Variants in MAGI2 observed in about 807,000 individuals in gnomAD.
MAGI2 encodes the protein membrane-associated guanylate kinase, WW and PDZ domain-containing protein 2.
MAGI2 carries 35 observed loss-of-function variants against 133.3 expected under a neutral mutation model. The ratio of observed to expected loss-of-function variants is 0.26; its 90% CI spans 0.20 to 0.35. The LOEUF is 0.35. Among genes scored for constraint, MAGI2 ranks in the 10% least tolerant of loss-of-function variants. The pLI is 1.00. For synonymous variants in MAGI2, 729 were observed against 710.6 expected, an observed-to-expected ratio of 1.03 and a Z score of -0.41; for missense variants, 1,636 against 1,863.4, an observed-to-expected ratio of 0.88 and a Z score of 2.25.
At chr7:78,609,814 G>T (rs1806246431) in intron 3 of MAGI2, among the ~76,000 whole-genome samples, 1 of 152,166 alleles carries the variant, frequency 6.6e-6, no homozygotes, top group Admixed American at 6.5e-5. Context: ...TTATGTAGTA[G>T]GCTGATTTCA....
intron 1 of MAGI2, among the ~76,000 whole-genome samples, chr7:79,226,205 A>G (rs1456364580): frequency 6.6e-6 from 1 of 152,170 alleles, no homozygotes; most frequent in Non-Finnish European, 1.5e-5. Flanking sequence ...ATTTGTGTCT[A>G]AAAAAGTAGG....
intron 1 of MAGI2, among the ~76,000 whole-genome samples, chr7:79,047,032 T>C (rs910496747): frequency 6.6e-6 from 1 of 152,190 alleles, no homozygotes; most frequent in Admixed American, 6.5e-5. Flanking sequence ...TGAATGAATA[T>C]ATTTTTTTAA....
At position 78,281,219 on chromosome 7, in the gene MAGI2, C is replaced by T. The variant is rs1584698646; in HGVS notation, c.1409-24638G>A. Among the ~76,000 whole-genome samples, 3 of 152,058 alleles carry T rather than the reference C, an allele frequency of 2.0e-5. No homozygotes were observed. In the South Asian group the frequency reaches 6.2e-4, roughly 31 times the overall value. ...TATTTTGTTGTTATTCATTCATGATCTATTGATATTTTTAAAAACTTTAAA... is the reference window on the plus strand; with the variant it reads ...TATTTTGTTGTTATTCATTCATGATTTATTGATATTTTTAAAAACTTTAAA... On this transcript the variant is annotated intron_variant, in intron 9 of 21. Coordinates refer to ENST00000354212, the MANE Select transcript of MAGI2 (RefSeq NM_012301.4).
At chr7:78,379,736 C>A (rs916934146) in intron 6 of MAGI2, among the ~76,000 whole-genome samples, 22 of 151,938 alleles carry the variant, frequency 1.4e-4, no homozygotes, top group Admixed American at 7.2e-4. Context: ...TTTCATACTA[C>A]AATAATAGAA....
At chr7:78,833,166 A>T (rs910758524) in intron 2 of MAGI2, among the ~76,000 whole-genome samples, 3 of 152,164 alleles carry the variant, frequency 2.0e-5, no homozygotes, top group Admixed American at 2.0e-4. Flanking sequence ...TTATGGAAAG[A>T]CTGTGTTTCT....
At position 78,685,148 on chromosome 7, in the gene MAGI2, C is replaced by G. The variant is rs574677321; in HGVS notation, c.419-57909G>C. 7.2e-5 allele frequency among the ~76,000 whole-genome samples: 11 copies of G among 152,282 alleles called. No homozygotes were observed. The South Asian group carries it at 2.3e-3, about 32-fold the overall frequency. ...TTGACACCTGTTTTTAATACCTTCT[C>G]CTGTCTGATTTTCTTTCCTAGTGGG... is the stretch of plus-strand genomic sequence containing the variant. On this transcript the variant is annotated intron_variant, in intron 2 of 21. Transcript: ENST00000354212.
chr7:79,106,975 T>G (rs560227177), intron 1 of MAGI2, among the ~76,000 whole-genome samples: 29 of 152,192 alleles, frequency 1.9e-4, no homozygotes, highest in Non-Finnish European at 3.8e-4. Context: ...AGCAGAGAAA[T>G]TAGAGTAATT....
chr7:79,267,058 G>C (rs1274906872), intron 1 of MAGI2, among the ~76,000 whole-genome samples: 1 of 152,064 alleles, frequency 6.6e-6, no homozygotes, highest in African/African-American at 2.4e-5. Flanking sequence ...AGAGTCACAG[G>C]TATGGACCAG....
intron 1 of MAGI2, among the ~76,000 whole-genome samples, chr7:79,393,807 AT>A (rs1372385350): frequency 6.6e-6 from 1 of 152,168 alleles, no homozygotes; most frequent in East Asian, 1.9e-4. Flanking sequence ...ACATTTTACT[AT>A]TTTAACTGCA....
At chr7:78,384,434 A>C (rs1039245800) in intron 6 of MAGI2, among the ~76,000 whole-genome samples, 3 of 152,198 alleles carry the variant, frequency 2.0e-5, no homozygotes, top group African/African-American at 4.8e-5. Flanking sequence ...GGAGAAGTAC[A>C]TGTATATTTT....
intron 2 of MAGI2, among the ~76,000 whole-genome samples, chr7:78,842,543 A>T (rs992490456): frequency 3.3e-5 from 5 of 151,920 alleles, no homozygotes; most frequent in African/African-American, 1.2e-4. Context: ...CCGTTTGTTT[A>T]TATCATTTTT....
intron 1 of MAGI2, among the ~76,000 whole-genome samples, chr7:79,372,720 G>A (rs1007435875): frequency 4.0e-5 from 6 of 151,880 alleles, no homozygotes; most frequent in Admixed American, 1.3e-4. Flanking sequence ...TTTACTTCCC[G>A]CACCAGTAAC....
intron 1 of MAGI2, among the ~76,000 whole-genome samples, chr7:79,375,720 A>G (rs1843335520): frequency 6.6e-6 from 1 of 151,966 alleles, no homozygotes; most frequent in African/African-American, 2.4e-5. Context: ...GAATGCAGAA[A>G]GTGATTAAAA....
At chr7:79,363,601 T>C (rs1478958625) in intron 1 of MAGI2, among the ~76,000 whole-genome samples, 5 of 151,088 alleles carry the variant, frequency 3.3e-5, no homozygotes, top group Non-Finnish European at 5.9e-5. Context: ...AACTATAAAA[T>C]TGCTAGAAGG....
At chr7:78,617,355 T>C (rs38108) in intron 3 of MAGI2, 96,526 of 151,912 alleles carry the variant, frequency 0.64, 31,129 homozygotes, top group Middle Eastern at 0.74. Context: ...AATTCATATT[T>C]GTAGAGTGTT....
At chr7:78,764,207 A>G (rs368945661) in intron 2 of MAGI2, among the ~76,000 whole-genome samples, 1 of 152,214 alleles carries the variant, frequency 6.6e-6, no homozygotes, top group Non-Finnish European at 1.5e-5. Flanking sequence ...ATGAGCCACA[A>G]GAGAGCTATA....
rs192253052 is a variant in MAGI2 at position 78,708,907 on chromosome 7, T to C, written c.419-81668A>G. Among the ~76,000 whole-genome samples, 26 of 152,204 alleles carry C rather than the reference T, an allele frequency of 1.7e-4. No individual in the cohort carries two copies. The Middle Eastern group carries it at 0.01, about 60-fold the overall frequency. On this transcript the variant is annotated intron_variant, in intron 2 of 21. Transcript: ENST00000354212. ...GACATTTTTCTCTTCTTAGTTCCTA[T>C]ATTCTACTTTTCTTAATATTACTCA...
chr7:78,843,197 C>A (rs1241389841), intron 2 of MAGI2, among the ~76,000 whole-genome samples: 2 of 151,812 alleles, frequency 1.3e-5, no homozygotes, highest in Non-Finnish European at 1.5e-5. Flanking sequence ...TTGTGACAAC[C>A]AAATGTCTGG....
intron 20 of MAGI2, among the ~76,000 whole-genome samples, chr7:78,114,180 C>T (rs566956705): frequency 6.6e-6 from 1 of 152,158 alleles, no homozygotes; most frequent in African/African-American, 2.4e-5. Context: ...AAGAAAGTCA[C>T]TATGACAGGT....
Sources: gnomAD v4.1 joint callset for allele counts (sites outside exome capture counted in the v4.1 genomes callset) on GRCh38, gnomAD v4.1.1 for gene constraint, MANE v1.5 for transcripts, NCBI Gene and HGNC (gene_info 2026-07-23, HGNC 2026-07-21) for gene names.